Variants in GNAQ observed in about 807,000 individuals in gnomAD.
GNAQ encodes guanine nucleotide-binding protein G(q) subunit alpha.
In GNAQ, 8 loss-of-function variants were observed where a neutral mutation model predicts 43.9. That is an observed-to-expected ratio of 0.18 (90% CI 0.11 to 0.33). GNAQ has a LOEUF of 0.33. Among genes scored for constraint, GNAQ ranks in the 10% least tolerant of loss-of-function variants. The pLI is 1.00. For synonymous variants in GNAQ, 155 were observed against 170.7 expected (o/e 0.91, Z 0.71); for missense variants, 158 against 450.8 (o/e 0.35, Z 5.88).
chr9:77,979,148 G>A (rs1295980614), intron 1 of GNAQ, among the ~76,000 whole-genome samples: 3 of 151,400 alleles, frequency 2.0e-5, no homozygotes, highest in East Asian at 2.0e-4. Context: ...CTGAGGCCAG[G>A]AGTTCAAGAC....
At chr9:77,881,913 G>A (rs973587321) in intron 2 of GNAQ, among the ~76,000 whole-genome samples, 2 of 152,130 alleles carry the variant, frequency 1.3e-5, no homozygotes. Context: ...CGTGGCAGGC[G>A]GATCACTTGA....
chr9:77,725,111 G>T (rs1044607958), intron 6 of GNAQ, among the ~76,000 whole-genome samples: 2 of 151,328 alleles, frequency 1.3e-5, no homozygotes, highest in Non-Finnish European at 2.9e-5. Context: ...TTACCCTACA[G>T]AATATAAGAA....
At chr9:77,925,577 T>G (rs1422936135) in intron 1 of GNAQ, among the ~76,000 whole-genome samples, 1 of 152,210 alleles carries the variant, frequency 6.6e-6, no homozygotes, top group Admixed American at 6.5e-5. Context: ...ATCTTCCAAT[T>G]GACCAGCCCT....
chr9:77,822,624 T>C (rs1227897609), intron 2 of GNAQ, among the ~76,000 whole-genome samples: 1 of 131,544 alleles, frequency 7.6e-6, no homozygotes, highest in Non-Finnish European at 1.7e-5. Flanking sequence ...GCTTTTTGAT[T>C]AAAAAAAAAA....
intron 1 of GNAQ, among the ~76,000 whole-genome samples, chr9:77,951,942 A>G (rs1040081159): frequency 6.6e-6 from 1 of 152,230 alleles, no homozygotes; most frequent in Non-Finnish European, 1.5e-5. Context: ...ATCCATTCCC[A>G]TGAATCTCAG....
chr9:77,737,882 C>G (rs534272427), intron 5 of GNAQ, among the ~76,000 whole-genome samples: 2 of 152,198 alleles, frequency 1.3e-5, no homozygotes, highest in Non-Finnish European at 2.9e-5. Flanking sequence ...CTCATTTGCT[C>G]AGGTCCGCTT....
At chr9:77,912,976 C>A (rs1439504484) in intron 2 of GNAQ, among the ~76,000 whole-genome samples, 4 of 152,064 alleles carry the variant, frequency 2.6e-5, no homozygotes, top group African/African-American at 9.7e-5. Context: ...GTCTCAAACA[C>A]AAACCAAAAC....
At chr9:77,744,177 T>A (rs1259045348) in intron 5 of GNAQ, among the ~76,000 whole-genome samples, 1 of 152,054 alleles carries the variant, frequency 6.6e-6, no homozygotes, top group Non-Finnish European at 1.5e-5. Flanking sequence ...TTGTCTTGTG[T>A]TTGCAGTTAG....
chr9:77,991,547 T>C (rs572100025), intron 1 of GNAQ, among the ~76,000 whole-genome samples: 1 of 152,336 alleles, frequency 6.6e-6, no homozygotes, highest in South Asian at 2.1e-4. Context: ...CCTTTCAGTA[T>C]TCCCCTCCCT....
intron 1 of GNAQ, among the ~76,000 whole-genome samples, chr9:77,986,121 T>C (rs1823432811): frequency 6.6e-6 from 1 of 152,162 alleles, no homozygotes; most frequent in Non-Finnish European, 1.5e-5. Flanking sequence ...TTGTTTATTC[T>C]CCAGCCATGC....
chr9:78,030,887 CTGTGTGTGTGTGTGTG>C (rs35071779), intron 1 of GNAQ, among the ~76,000 whole-genome samples, 197 bp downstream of exon 1: 2 of 146,156 alleles, frequency 1.4e-5, no homozygotes, highest in South Asian at 2.1e-4. Context: ...GTGTGTGTCG[CTGTGTGTGTGTGTGTG>C]TGTGTGTGTG....
At chr9:77,826,640 A>G (rs1054594825) in intron 2 of GNAQ, among the ~76,000 whole-genome samples, 44 of 152,312 alleles carry the variant, frequency 2.9e-4, no homozygotes, top group African/African-American at 9.6e-4. Flanking sequence ...TTGGAGTCAA[A>G]CACATTGAAT....
intron 1 of GNAQ, among the ~76,000 whole-genome samples, chr9:77,978,939 C>T (rs760812425): frequency 6.6e-6 from 1 of 151,994 alleles, no homozygotes; most frequent in African/African-American, 2.4e-5. Flanking sequence ...ACCTGTAATC[C>T]CAGCTACTCA....
intron 1 of GNAQ, among the ~76,000 whole-genome samples, chr9:77,958,503 A>G (rs1380047278): frequency 6.6e-6 from 1 of 152,250 alleles, no homozygotes; most frequent in African/African-American, 2.4e-5. Context: ...GGGAAAATTT[A>G]GGACTTCCTT....
intron 2 of GNAQ, among the ~76,000 whole-genome samples, chr9:77,859,125 T>C (rs995580061): frequency 6.6e-6 from 1 of 152,120 alleles, no homozygotes; most frequent in Admixed American, 6.5e-5. Context: ...CCTGTGGGAG[T>C]ACCAATACCT....
At chr9:77,896,587 T>A (rs1828506737) in intron 2 of GNAQ, among the ~76,000 whole-genome samples, 1 of 152,196 alleles carries the variant, frequency 6.6e-6, no homozygotes, top group African/African-American at 2.4e-5. Context: ...TCAAGCCTGG[T>A]CCATATTCAC....
intron 2 of GNAQ, among the ~76,000 whole-genome samples, chr9:77,915,135 C>T (rs1028461281): frequency 3.3e-5 from 5 of 152,144 alleles, no homozygotes; most frequent in Admixed American, 2.0e-4. Flanking sequence ...TAGTACATTC[C>T]TAGCTTTATT....
intron 6 of GNAQ, among the ~76,000 whole-genome samples, chr9:77,724,498 GT>G (rs1408192103): frequency 6.6e-6 from 1 of 152,056 alleles, no homozygotes; most frequent in African/African-American, 2.4e-5. Flanking sequence ...CACCCAGCAG[GT>G]TTTTTTCTAT....
At chr9:77,952,668 G>A (rs1822996777) in intron 1 of GNAQ, among the ~76,000 whole-genome samples, 1 of 152,118 alleles carries the variant, frequency 6.6e-6, no homozygotes, top group Admixed American at 6.6e-5. Context: ...TAGCCATTAG[G>A]CATTTATCTA....
Sources: allele counts gnomAD v4.1 joint callset (sites outside exome capture counted in the v4.1 genomes callset), GRCh38; gene constraint gnomAD v4.1.1; transcripts MANE v1.5; gene names NCBI Gene and HGNC (gene_info 2026-07-23, HGNC 2026-07-21).